The following ERC2 variants were observed in gnomAD, a reference collection of about 807,000 sequenced individuals.
ERC2 encodes ERC protein 2.
A neutral mutation model predicts 114.8 loss-of-function variants in ERC2; 42 were observed. The ratio of observed to expected loss-of-function variants is 0.37; its 90% CI spans 0.29 to 0.47. The LOEUF (loss-of-function observed/expected upper bound fraction) is 0.47. Ranked by LOEUF, ERC2 falls within the 20% of genes least tolerant of loss-of-function variation. The pLI is 0.99. For synonymous variants in ERC2, 454 were observed against 425.5 expected (o/e 1.07, Z -0.82); for missense variants, 939 against 1,150.7 (o/e 0.82, Z 2.66).
chr3:56,121,960 C>T (rs116280544), intron 6 of ERC2, among the ~76,000 whole-genome samples: 3,831 of 152,292 alleles, frequency 0.025, 53 homozygotes, highest in Middle Eastern at 0.037. Flanking sequence ...CTCAGCCCCA[C>T]TCCAGGGCAG....
chr3:56,170,456 C>G (rs1403673428), intron 4 of ERC2, among the ~76,000 whole-genome samples: 1 of 152,112 alleles, frequency 6.6e-6, no homozygotes, highest in Non-Finnish European at 1.5e-5. Flanking sequence ...CAACAAATGT[C>G]TTTTGCGAGT....
At chr3:55,755,584 C>T (rs1575497606) in intron 14 of ERC2, among the ~76,000 whole-genome samples, 1 of 152,124 alleles carries the variant, frequency 6.6e-6, no homozygotes, top group Admixed American at 6.6e-5. Flanking sequence ...AACATTTTCC[C>T]CTGTCACTAC....
chr3:55,915,474 G>A (rs1203785262), intron 13 of ERC2, among the ~76,000 whole-genome samples: 1 of 152,242 alleles, frequency 6.6e-6, no homozygotes, highest in Admixed American at 6.5e-5. Flanking sequence ...GAAAGAAATG[G>A]CTGTGTTTTT....
At chr3:55,597,857 CT>C (rs1477212338) in intron 17 of ERC2, among the ~76,000 whole-genome samples, 1 of 152,190 alleles carries the variant, frequency 6.6e-6, no homozygotes, top group Non-Finnish European at 1.5e-5. Flanking sequence ...ATCAGGATTA[CT>C]TGTGTTACAA....
intron 2 of ERC2, among the ~76,000 whole-genome samples, chr3:56,339,584 G>C (rs2058006151): frequency 6.6e-6 from 1 of 151,986 alleles, no homozygotes; most frequent in Non-Finnish European, 1.5e-5. Flanking sequence ...ATTTAATCAG[G>C]GGTCCAATTT....
At chr3:56,366,793 T>G (rs1174717722) in intron 2 of ERC2, among the ~76,000 whole-genome samples, 1 of 152,242 alleles carries the variant, frequency 6.6e-6, no homozygotes, top group Admixed American at 6.5e-5. Context: ...CTGATAATTC[T>G]GTGGTTCTCA....
chr3:56,220,912 G>GA (rs948791283), intron 3 of ERC2, among the ~76,000 whole-genome samples: 13 of 151,616 alleles, frequency 8.6e-5, no homozygotes, highest in African/African-American at 3.1e-4. Flanking sequence ...CTGAAAAAAA[G>GA]AAAAAAAAGA....
At chr3:55,758,895 G>C (rs766379617) in intron 14 of ERC2, among the ~76,000 whole-genome samples, 2 of 152,210 alleles carry the variant, frequency 1.3e-5, no homozygotes, top group African/African-American at 4.8e-5. Context: ...TTAAAAGAGA[G>C]TCCATTTTGG....
chr3:55,975,804 T>C (rs2069544576), intron 12 of ERC2, among the ~76,000 whole-genome samples: 1 of 152,148 alleles, frequency 6.6e-6, no homozygotes, highest in African/African-American at 2.4e-5. Flanking sequence ...GACAGCCCCG[T>C]TTCTTCTGAG....
intron 2 of ERC2, among the ~76,000 whole-genome samples, chr3:56,410,201 G>A (rs2060887852): frequency 6.6e-6 from 1 of 152,126 alleles, no homozygotes. Context: ...GTCAAATTTT[G>A]GGATATATAT....
chr3:55,976,449 C>T (rs2069598693), intron 12 of ERC2, among the ~76,000 whole-genome samples: 1 of 152,140 alleles, frequency 6.6e-6, no homozygotes, highest in Admixed American at 6.5e-5. Context: ...TCAAATTACG[C>T]ATAATTTCTA....
chr3:55,724,258 A>G (rs1222198162), intron 15 of ERC2, among the ~76,000 whole-genome samples: 1 of 152,182 alleles, frequency 6.6e-6, no homozygotes, highest in Non-Finnish European at 1.5e-5. Context: ...CCCAGCCTGC[A>G]CATGGTGGCC....
intron 2 of ERC2, among the ~76,000 whole-genome samples, chr3:56,350,804 G>A: frequency 6.6e-6 from 1 of 152,216 alleles, no homozygotes; most frequent in East Asian, 1.9e-4. Context: ...AAAAGGCCAT[G>A]ATTCTCATGC....
chr3:56,210,335 T>C (rs2048983784), intron 3 of ERC2, among the ~76,000 whole-genome samples: 1 of 152,242 alleles, frequency 6.6e-6, no homozygotes, highest in African/African-American at 2.4e-5. Context: ...TTAATATTTA[T>C]GACTCAAAAT....
intron 17 of ERC2, among the ~76,000 whole-genome samples, chr3:55,578,229 G>C (rs773955233): frequency 2.0e-5 from 3 of 152,218 alleles, no homozygotes; most frequent in African/African-American, 7.2e-5. Context: ...CCACCCTCTT[G>C]TACAGAGTTG....
chr3:55,866,176 T>C (rs1343308322), intron 14 of ERC2, among the ~76,000 whole-genome samples: 1 of 152,204 alleles, frequency 6.6e-6, no homozygotes, highest in Non-Finnish European at 1.5e-5. Context: ...TATCTCATTG[T>C]GATTTTGATT....
intron 2 of ERC2, among the ~76,000 whole-genome samples, chr3:56,395,911 T>C (rs2060289613): frequency 1.3e-5 from 2 of 152,182 alleles, no homozygotes; most frequent in South Asian, 2.1e-4. Flanking sequence ...TGGGTTAGTA[T>C]CTCCCTTTTT....
At chr3:56,300,585 A>G (rs1338498243) in intron 2 of ERC2, among the ~76,000 whole-genome samples, 1 of 152,264 alleles carries the variant, frequency 6.6e-6, no homozygotes, top group Non-Finnish European at 1.5e-5. Context: ...AGATCTATTA[A>G]GAAACAGTGA....
intron 14 of ERC2, among the ~76,000 whole-genome samples, chr3:55,856,763 A>G (rs1024686658): frequency 6.6e-6 from 1 of 152,206 alleles, no homozygotes; most frequent in Non-Finnish European, 1.5e-5. Context: ...AGCGGAAAAA[A>G]TCCAAATGCC....
Sources: gnomAD v4.1 joint callset for allele counts (sites outside exome capture counted in the v4.1 genomes callset) on GRCh38, gnomAD v4.1.1 for gene constraint, MANE v1.5 for transcripts, NCBI Gene and HGNC (gene_info 2026-07-23, HGNC 2026-07-21) for gene names.